ITGA9: variants seen among roughly 807,000 people sequenced by gnomAD.
ITGA9 encodes the protein integrin alpha-9.
In ITGA9, 56 loss-of-function variants were observed where a neutral mutation model predicts 127.8. That is an observed-to-expected ratio of 0.44 (90% CI 0.35 to 0.55). ITGA9 has a LOEUF of 0.55. Among genes scored for constraint, ITGA9 ranks in the 20% least tolerant of loss-of-function variants. The pLI is 0.00. For missense variants in ITGA9, 1,196 were observed against 1,347.1 expected (o/e 0.89, Z 1.76); for synonymous variants, 508 against 514.5 (o/e 0.99, Z 0.17).
At chr3:37,586,355 G>C (rs989221419) in intron 15 of ITGA9, among the ~76,000 whole-genome samples, 1 of 152,188 alleles carries the variant, frequency 6.6e-6, no homozygotes, top group Non-Finnish European at 1.5e-5. Flanking sequence ...TGAAAGAGGT[G>C]TTTCTAGAAA....
At chr3:37,579,761 A>G (rs1185273160) in intron 15 of ITGA9, among the ~76,000 whole-genome samples, 1 of 152,162 alleles carries the variant, frequency 6.6e-6, no homozygotes, top group Non-Finnish European at 1.5e-5. Context: ...ATCCTAGGCC[A>G]TTTGGAAGCC....
intron 17 of ITGA9, among the ~76,000 whole-genome samples, chr3:37,660,775 G>C (rs1700526212): frequency 6.6e-6 from 1 of 152,220 alleles, no homozygotes; most frequent in Non-Finnish European, 1.5e-5. Flanking sequence ...GCTGGACTCA[G>C]CTGGACCTTG....
intron 15 of ITGA9, among the ~76,000 whole-genome samples, chr3:37,625,526 CT>C (rs1043642960): frequency 6.6e-6 from 1 of 152,170 alleles, no homozygotes; most frequent in African/African-American, 2.4e-5. Flanking sequence ...AGATTCTTGC[CT>C]TTTAGTCTGT....
intron 15 of ITGA9, among the ~76,000 whole-genome samples, chr3:37,617,186 T>C (rs1296963076): frequency 2.0e-5 from 3 of 152,198 alleles, no homozygotes; most frequent in African/African-American, 7.2e-5. Context: ...AGCATTTGCT[T>C]GTCTGTAAAG....
At chr3:37,779,000 C>T (rs1015730129) in intron 24 of ITGA9, among the ~76,000 whole-genome samples, 5 of 151,058 alleles carry the variant, frequency 3.3e-5, no homozygotes, top group East Asian at 3.9e-4. Context: ...AAAATTTTGC[C>T]GTATAGATGA....
chr3:37,710,122 A>C (rs565452465), intron 18 of ITGA9, among the ~76,000 whole-genome samples: 59 of 152,168 alleles, frequency 3.9e-4, no homozygotes, highest in Non-Finnish European at 7.5e-4. Flanking sequence ...GGAACACAGG[A>C]GCTGTATTGG....
At chr3:37,672,569 A>T (rs1575187720) in intron 17 of ITGA9, among the ~76,000 whole-genome samples, 3 of 152,180 alleles carry the variant, frequency 2.0e-5, no homozygotes, top group Non-Finnish European at 2.9e-5. Context: ...CAGGCGGGAT[A>T]GGCACACCTG....
intron 1 of ITGA9, among the ~76,000 whole-genome samples, chr3:37,465,938 G>C (rs565648986): frequency 6.6e-6 from 1 of 152,256 alleles, no homozygotes; most frequent in East Asian, 1.9e-4. Flanking sequence ...CACGGGTGAT[G>C]TATTTGACTA....
chr3:37,804,307 TCTTC>T lies in ITGA9; in HGVS notation c.3009+370_3009+373del, dbSNP rs766509805. On this transcript the variant is annotated intron_variant, in intron 27 of 27. Coordinates refer to ENST00000264741, the MANE Select transcript of ITGA9 (RefSeq NM_002207.3). ...ATCAGAAGGCGAACTATAGAACAAT[TCTTC>T]CTTCTTTTCCTCTAAGGAATGTGAG... is the stretch of plus-strand genomic sequence containing the variant. Among the ~76,000 whole-genome samples, 105 of 152,312 alleles carry T rather than the reference TCTTC, an allele frequency of 6.9e-4. 1 individual carries two copies. Among genetic ancestry groups the T allele is most frequent in the Admixed American group, 2.0e-3 (30 of 15,298 alleles).
chr3:37,800,442 G>C (rs545589461), intron 26 of ITGA9, among the ~76,000 whole-genome samples: 2 of 152,250 alleles, frequency 1.3e-5, no homozygotes, highest in African/African-American at 4.8e-5. Context: ...TAAAGCCAGC[G>C]CTCCTCCCTC....
chr3:37,610,748 T>C (rs1251054297), intron 15 of ITGA9, among the ~76,000 whole-genome samples: 1 of 152,254 alleles, frequency 6.6e-6, no homozygotes, highest in Non-Finnish European at 1.5e-5. Flanking sequence ...CAGTCATCCA[T>C]CTGCCAGTAT....
At position 37,803,810 on chromosome 3, in the gene ITGA9, C is replaced by G. The variant is rs1297028657; in HGVS notation, c.2890-13C>G. On this transcript the variant is annotated splice_polypyrimidine_tract_variant and intron_variant, in intron 26 of 27. Coordinates refer to ENST00000264741, the MANE Select transcript of ITGA9 (RefSeq NM_002207.3). ...AAAAAAGGAAATGTTTTCACTGTTGCGTTGCCTCCTAGGTGGTCTTCGAGG... is the reference window on the plus strand; with the variant it reads ...AAAAAAGGAAATGTTTTCACTGTTGGGTTGCCTCCTAGGTGGTCTTCGAGG... 3 of 1,613,802 alleles carry G rather than the reference C, an allele frequency of 1.9e-6. No individual in the cohort carries two copies. Among genetic ancestry groups the G allele is most frequent in the Non-Finnish European group, 2.5e-6 (3 of 1,179,892 alleles).
At chr3:37,546,317 A>G (rs77950766) in intron 15 of ITGA9, among the ~76,000 whole-genome samples, 5,265 of 152,294 alleles carry the variant, frequency 0.035, 114 homozygotes, top group Non-Finnish European at 0.051. Flanking sequence ...ACATACTAGC[A>G]CCGCGCTGGA....
intron 15 of ITGA9, among the ~76,000 whole-genome samples, chr3:37,566,125 A>G (rs932042905): frequency 6.6e-6 from 1 of 152,198 alleles, no homozygotes; most frequent in Non-Finnish European, 1.5e-5. Context: ...AGAAGTTTTA[A>G]CTCATAAAAA....
chr3:37,716,907 T>C (rs1376890618), intron 18 of ITGA9, among the ~76,000 whole-genome samples: 3 of 152,208 alleles, frequency 2.0e-5, no homozygotes, highest in Non-Finnish European at 1.5e-5. Context: ...CATTTAATTA[T>C]ATTAGGAGGT....
chr3:37,743,305 T>G (rs1696460144), intron 21 of ITGA9, among the ~76,000 whole-genome samples: 4 of 152,222 alleles, frequency 2.6e-5, no homozygotes, highest in Admixed American at 2.0e-4. Context: ...TCTGGGAGTG[T>G]CAGTCAGAGC....
rs574598454 is a variant in ITGA9 at position 37,757,641 on chromosome 3, T to A, written c.2541+7072T>A. On this transcript the variant is annotated intron_variant, in intron 23 of 27. Coordinates refer to ENST00000264741, the MANE Select transcript of ITGA9 (RefSeq NM_002207.3). ...ACTCAAGCCAGGATGACAGATCCTG[T>A]CTCAAAAAAACAAAAACAAAACAAA... 1.6e-4 allele frequency among the ~76,000 whole-genome samples: 25 copies of A among 151,550 alleles called. 1 individual carries two copies. In the Middle Eastern group the frequency reaches 0.01, roughly 62 times the overall value.
At chr3:37,542,358 G>A in intron 14 of ITGA9, 67 bp from the exon 15 acceptor site, 1 of 1,554,676 alleles carries the variant, frequency 6.4e-7, no homozygotes, top group Non-Finnish European at 8.9e-7. Flanking sequence ...CTGTGACAAG[G>A]AAAAGAGGTG....
At chr3:37,737,747 A>T (rs1696381017) in intron 20 of ITGA9, among the ~76,000 whole-genome samples, 1 of 152,190 alleles carries the variant, frequency 6.6e-6, no homozygotes, top group South Asian at 2.1e-4. Context: ...ACCCAAGGCA[A>T]CCTTTTCATT....
Sources: gnomAD v4.1 joint callset for allele counts (sites outside exome capture counted in the v4.1 genomes callset) on GRCh38, gnomAD v4.1.1 for gene constraint, MANE v1.5 for transcripts, NCBI Gene and HGNC (gene_info 2026-07-23, HGNC 2026-07-21) for gene names.